Variants in TSPAN9 observed in about 807,000 individuals in gnomAD.
TSPAN9 encodes the protein tetraspanin 9.
A neutral mutation model predicts 31.0 loss-of-function variants in TSPAN9; 16 were observed. The observed-to-expected ratio is 0.52, with a 90% CI of 0.35 to 0.78. The LOEUF (loss-of-function observed/expected upper bound fraction) is 0.78, where lower values mean the gene tolerates loss of function less well. Among genes scored for constraint, TSPAN9 ranks in the 30% least tolerant of loss-of-function variants. TSPAN9 has a pLI of 0.01. For synonymous variants in TSPAN9, 145 were observed against 121.6 expected, an observed-to-expected ratio of 1.19 and a Z score of -1.27; for missense variants, 272 against 312.5, an observed-to-expected ratio of 0.87 and a Z score of 0.98.
chr12:3,077,877 C>T (rs943118163), intron 1 of TSPAN9, among the ~76,000 whole-genome samples: 1 of 152,184 alleles, frequency 6.6e-6, no homozygotes, highest in African/African-American at 2.4e-5. Flanking sequence ...GGCCTGCAGC[C>T]CCCCGGCACC....
intron 2 of TSPAN9, among the ~76,000 whole-genome samples, chr12:3,106,114 C>T (rs1302641060): frequency 6.6e-6 from 1 of 152,226 alleles, no homozygotes; most frequent in African/African-American, 2.4e-5. Context: ...ACATGCCTGC[C>T]CATGCTGTGG....
intron 3 of TSPAN9, among the ~76,000 whole-genome samples, chr12:3,226,742 GTGTATATATATA>G (rs1565622431): frequency 0.034 from 113 of 3,298 alleles, 13 homozygotes; most frequent in Non-Finnish European, 0.057. Flanking sequence ...GTGTGTGTGT[GTGTATATATATA>G]TATATATATA....
chr12:3,151,224 T>G (rs574942560), intron 2 of TSPAN9: 2 of 152,352 alleles, frequency 1.3e-5, no homozygotes, highest in South Asian at 4.1e-4. Flanking sequence ...GTATTTGGCT[T>G]TAAGGGAGGC....
chr12:3,192,884 A>G lies in TSPAN9; in HGVS notation c.-17-8293A>G, dbSNP rs1206242929. Among the ~76,000 whole-genome samples the G allele has an allele frequency of 6.6e-6, 1 of 152,198 alleles. No homozygotes were observed. Among genetic ancestry groups the G allele is most frequent in the Non-Finnish European group, 1.5e-5 (1 of 68,030 alleles). On this transcript the variant is annotated intron_variant, in intron 2 of 8. Coordinates refer to ENST00000011898, the MANE Select transcript of TSPAN9 (RefSeq NM_006675.5). The surrounding 1 kb of genome is among the most constrained non-coding windows in gnomAD (Gnocchi z 4.6). ...ATGATGTTTCTTTCTCTGTTCAGCT[A>G]CACTGTAGCTAGACAGGAGCTGGTT...
intron 2 of TSPAN9, among the ~76,000 whole-genome samples, chr12:3,097,254 C>T (rs1312721564): frequency 1.3e-5 from 2 of 152,178 alleles, no homozygotes; most frequent in African/African-American, 4.8e-5. Flanking sequence ...CCCAGGGTCA[C>T]CTCAGAGCTC....
intron 3 of TSPAN9, among the ~76,000 whole-genome samples, chr12:3,229,560 C>T (rs186189788): frequency 6.6e-6 from 1 of 152,258 alleles, no homozygotes; most frequent in African/African-American, 2.4e-5. Flanking sequence ...CTGTCTGGGG[C>T]TTACTGGCAA....
At chr12:3,119,854 G>T (rs2098324255) in intron 2 of TSPAN9, among the ~76,000 whole-genome samples, 1 of 152,190 alleles carries the variant, frequency 6.6e-6, no homozygotes, top group Non-Finnish European at 1.5e-5. Context: ...AGGGCAGGAG[G>T]GGAAGTACGG....
intron 2 of TSPAN9, among the ~76,000 whole-genome samples, chr12:3,137,906 C>A (rs1357947354): frequency 2.6e-5 from 4 of 152,170 alleles, no homozygotes; most frequent in African/African-American, 9.7e-5. Context: ...CCTTGAAGCT[C>A]AAGAGAGGGG....
rs1394555683 is a variant in TSPAN9 at position 3,187,631 on chromosome 12, G to A, written c.-17-13546G>A. ...AGACAACTTCCCTGCTTATCTTGCA[G>A]GGGTGGGTGAGGGCCAGATGTGATC... On this transcript the variant is annotated intron_variant, in intron 2 of 8. Transcript: ENST00000011898. The surrounding 1 kb of genome is among the most constrained non-coding windows in gnomAD (Gnocchi z 5.2). Among the ~76,000 whole-genome samples the A allele has an allele frequency of 6.6e-6, 1 of 152,136 alleles. No individual in the cohort carries two copies. The highest frequency in any genetic ancestry group is 2.4e-5 in the African/African-American group (1 of 41,430).
chr12:3,202,583 T>C (rs1218562910), intron 3 of TSPAN9, among the ~76,000 whole-genome samples: 2 of 152,138 alleles, frequency 1.3e-5, no homozygotes, highest in East Asian at 1.9e-4. Context: ...TCCAGTCCAA[T>C]AGGGGCTGTC....
At chr12:3,181,171 ACTC>A in intron 2 of TSPAN9, among the ~76,000 whole-genome samples, 1 of 151,970 alleles carries the variant, frequency 6.6e-6, no homozygotes, top group East Asian at 1.9e-4. Context: ...CTGCTTTACT[ACTC>A]CAGAGGGGAA....
chr12:3,093,862 A>T (rs1013171482), intron 2 of TSPAN9, among the ~76,000 whole-genome samples: 18 of 151,802 alleles, frequency 1.2e-4, no homozygotes, highest in African/African-American at 4.4e-4. Context: ...GTTAATTTGT[A>T]CTTATTTATT....
chr12:3,193,585 C>T (rs551675730), intron 2 of TSPAN9, among the ~76,000 whole-genome samples: 8 of 152,316 alleles, frequency 5.3e-5, no homozygotes, highest in African/African-American at 1.2e-4. Context: ...AAGGGCTGAC[C>T]GTAGCCGGGG....
At chr12:3,122,396 C>T (rs549791744) in intron 2 of TSPAN9, among the ~76,000 whole-genome samples, 16 of 152,000 alleles carry the variant, frequency 1.1e-4, no homozygotes, top group South Asian at 1.0e-3. Context: ...CTCACTGCAG[C>T]GTTGATCGGC....
intron 2 of TSPAN9, among the ~76,000 whole-genome samples, chr12:3,099,750 T>G (rs978691159): frequency 7.2e-5 from 11 of 152,186 alleles, no homozygotes; most frequent in Non-Finnish European, 1.6e-4. Flanking sequence ...CAGACCAGCC[T>G]TTAGTCTAGG....
chr12:3,092,587 CCT>C (rs1424074777), intron 2 of TSPAN9, among the ~76,000 whole-genome samples: 2 of 152,176 alleles, frequency 1.3e-5, no homozygotes, highest in Non-Finnish European at 2.9e-5. Flanking sequence ...GCCAGAGCCC[CCT>C]GAGAGGAGAT....
At chr12:3,186,501 A>C (rs572252083) in intron 2 of TSPAN9, among the ~76,000 whole-genome samples, 2 of 152,086 alleles carry the variant, frequency 1.3e-5, no homozygotes, top group Non-Finnish European at 2.9e-5. Flanking sequence ...GAAACAGCAC[A>C]GAGGACAATG....
At chr12:3,252,900 G>A (rs1383121485) in intron 3 of TSPAN9, among the ~76,000 whole-genome samples, 1 of 152,172 alleles carries the variant, frequency 6.6e-6, no homozygotes, top group Non-Finnish European at 1.5e-5. Context: ...TGGGAAATGG[G>A]GCTATTTCAG....
chr12:3,098,650 C>T (rs2098310319), intron 2 of TSPAN9, among the ~76,000 whole-genome samples: 1 of 151,944 alleles, frequency 6.6e-6, no homozygotes, highest in South Asian at 2.1e-4. Flanking sequence ...GTAGCTCTTT[C>T]TTCCTTTCCC....
Sources: allele counts gnomAD v4.1 joint callset (sites outside exome capture counted in the v4.1 genomes callset), GRCh38; gene constraint gnomAD v4.1.1; non-coding constraint Gnocchi (gnomAD v3.1); transcripts MANE v1.5; gene names NCBI Gene and HGNC (gene_info 2026-07-23, HGNC 2026-07-21).